RAP1GAP2: variants seen among roughly 807,000 people sequenced by gnomAD.
RAP1GAP2 encodes the protein rap1 GTPase-activating protein 2.
A neutral mutation model predicts 95.0 loss-of-function variants in RAP1GAP2; 27 were observed. The ratio of observed to expected loss-of-function variants is 0.28; its 90% CI spans 0.21 to 0.39. The LOEUF is 0.39. Ranked by LOEUF, RAP1GAP2 falls within the 10% of genes least tolerant of loss-of-function variation. The pLI is 1.00. For synonymous variants in RAP1GAP2, 373 were observed against 380.9 expected (o/e 0.98, Z 0.24); for missense variants, 771 against 970.0 (o/e 0.79, Z 2.72).
intron 5 of RAP1GAP2, 57 bp downstream of exon 5, chr17:2,962,771 A>T: frequency 6.8e-7 from 1 of 1,479,380 alleles, no homozygotes. Context: ...CTAGGGCGAG[A>T]GGAAGGCAGG....
chr17:2,759,939 A>G (rs1319722569), intron 1 of RAP1GAP2, among the ~76,000 whole-genome samples: 1 of 152,114 alleles, frequency 6.6e-6, no homozygotes, highest in Non-Finnish European at 1.5e-5. Context: ...CATATTGAAA[A>G]AGATATTGCC....
intron 3 of RAP1GAP2, among the ~76,000 whole-genome samples, chr17:2,950,248 C>G (rs570646619): frequency 1.3e-5 from 2 of 152,020 alleles, no homozygotes; most frequent in East Asian, 3.9e-4. Flanking sequence ...GAGACAGTTT[C>G]ACCATGTTGG....
intron 11 of RAP1GAP2, among the ~76,000 whole-genome samples, chr17:2,990,794 T>G (rs373080723): frequency 1.4e-3 from 207 of 152,124 alleles, no homozygotes; most frequent in African/African-American, 4.9e-3. Flanking sequence ...GGGTGGGAAG[T>G]GGTATATCAT....
At chr17:2,947,937 C>T (rs544603305) in intron 3 of RAP1GAP2, among the ~76,000 whole-genome samples, 108 of 152,240 alleles carry the variant, frequency 7.1e-4, no homozygotes, top group African/African-American at 2.4e-3. Flanking sequence ...CATCTCCCCC[C>T]GATTTTCCTG....
At chr17:2,939,528 AG>A (rs1339964930) in intron 3 of RAP1GAP2, among the ~76,000 whole-genome samples, 2 of 152,214 alleles carry the variant, frequency 1.3e-5, no homozygotes, top group African/African-American at 4.8e-5. Context: ...AGTTCAGAGA[AG>A]GGAAAATTGA....
chr17:2,771,489 TTTTTTTTTTG>T lies in RAP1GAP2; in HGVS notation c.167+1054_167+1063del, dbSNP rs1567636257. The stretch of plus-strand genomic sequence containing the variant: ...TCCCCATCAAAGCCACTTTTTTGTT[TTTTTTTTTTG>T]TTTTTTTTTTTTAGATAGAGTTTTG... On this transcript the variant is annotated intron_variant, in intron 2 of 25. Transcript: ENST00000637138. 2.9e-3 allele frequency among the ~76,000 whole-genome samples: 441 copies of T among 150,060 alleles called. 2 individuals are homozygous for T. The highest frequency in any genetic ancestry group is 0.01 in the African/African-American group (422 of 40,320).
intron 3 of RAP1GAP2, among the ~76,000 whole-genome samples, chr17:2,930,774 G>A (rs1365838408): frequency 1.3e-5 from 2 of 152,146 alleles, no homozygotes; most frequent in Admixed American, 1.3e-4. Context: ...GAAACTGCAC[G>A]AAACAAAACA....
At chr17:2,964,201 C>T in intron 7 of RAP1GAP2, 133 bp downstream of exon 7, 5 of 636,988 alleles carry the variant, frequency 7.8e-6, no homozygotes, top group Non-Finnish European at 1.2e-5. Context: ...GAGGAGCTGC[C>T]AGGGGTGGGG....
intron 3 of RAP1GAP2, among the ~76,000 whole-genome samples, chr17:2,919,578 G>C (rs544526142): frequency 1.3e-5 from 2 of 152,326 alleles, no homozygotes; most frequent in Admixed American, 6.5e-5. Context: ...AAAAGCCATG[G>C]GGGGCCAGGC....
intron 1 of RAP1GAP2, among the ~76,000 whole-genome samples, chr17:2,781,133 A>T (rs1003496881): frequency 6.6e-6 from 1 of 152,212 alleles, no homozygotes; most frequent in African/African-American, 2.4e-5. Context: ...GGACTTTTGC[A>T]GCTTGCTCTC....
intron 3 of RAP1GAP2, among the ~76,000 whole-genome samples, chr17:2,925,160 G>A (rs759612270): frequency 8.5e-5 from 13 of 152,244 alleles, no homozygotes; most frequent in African/African-American, 1.2e-4. Flanking sequence ...TGGTTGAACC[G>A]GGAAGATGTG....
At chr17:2,895,122 A>G (rs973799483) in intron 2 of RAP1GAP2, among the ~76,000 whole-genome samples, 2 of 152,216 alleles carry the variant, frequency 1.3e-5, no homozygotes, top group Non-Finnish European at 2.9e-5. Context: ...ACTTCAGTGG[A>G]CTTGTTTCAG....
chr17:2,980,033 C>T (rs557754328), intron 8 of RAP1GAP2, among the ~76,000 whole-genome samples: 52 of 150,702 alleles, frequency 3.5e-4, no homozygotes, highest in East Asian at 1.0e-3. Flanking sequence ...CTCCGTCTCC[C>T]GGGTTCAAGC....
intron 11 of RAP1GAP2, among the ~76,000 whole-genome samples, chr17:2,987,288 T>C (rs72824820): frequency 0.044 from 6,698 of 152,354 alleles, 212 homozygotes; most frequent in South Asian, 0.2. Context: ...ACTGTTAAGA[T>C]CTTTATCACA....
In RAP1GAP2 at chr17:2,998,239, A is replaced by G; in HGVS notation, c.1063A>G (p.Ile355Val). Residue 355 changes from isoleucine to valine, a missense_variant, in exon 14 of 25, where the codon ATT becomes GTT. Ile to Val is a conservative substitution (Grantham distance 29). Transcript: ENST00000254695. ...TATTTAGCTCCAGAGAAAGAGACACATTGGAAATGACATCGTGGCCATCAT... is the reference window on the plus strand; with the variant it reads ...TATTTAGCTCCAGAGAAAGAGACACGTTGGAAATGACATCGTGGCCATCAT... ...DAQQLQRKRH[I>V]GNDIVAIIFQ... The G allele has an allele frequency of 6.2e-7, 1 of 1,613,992 alleles. No individual in the cohort carries two copies.
At chr17:2,913,225 T>G (rs912505344) in intron 3 of RAP1GAP2, among the ~76,000 whole-genome samples, 4 of 151,914 alleles carry the variant, frequency 2.6e-5, no homozygotes, top group African/African-American at 9.7e-5. Flanking sequence ...GTGCACCTAC[T>G]TACCTGCATG....
intron 2 of RAP1GAP2, among the ~76,000 whole-genome samples, chr17:2,875,447 G>A (rs140102683): frequency 2.0e-5 from 3 of 152,246 alleles, no homozygotes; most frequent in East Asian, 3.9e-4. Flanking sequence ...CTGGTTACAG[G>A]GGTAACATTG....
chr17:2,997,089 A>G lies in RAP1GAP2; in HGVS notation c.1045-1132A>G, dbSNP rs562810763. Among the ~76,000 whole-genome samples, 7 of 152,228 alleles carry G rather than the reference A, an allele frequency of 4.6e-5. No individual in the cohort carries two copies. The East Asian group carries it at 1.4e-3, about 29-fold the overall frequency. Reference sequence around the variant, plus strand: ...CTTCAGGACAGGGTTAACATTTGATATCATGCATGAACAGCCCAACATGGT... The same window carrying G: ...CTTCAGGACAGGGTTAACATTTGATGTCATGCATGAACAGCCCAACATGGT... On this transcript the variant is annotated intron_variant, in intron 13 of 24. Transcript: ENST00000254695.
chr17:2,967,390 A>G (rs1323402217), intron 8 of RAP1GAP2, among the ~76,000 whole-genome samples: 1 of 152,048 alleles, frequency 6.6e-6, no homozygotes, highest in Admixed American at 6.6e-5. Context: ...AACGATGACA[A>G]CAACAACGAC....
Sources: allele counts gnomAD v4.1 joint callset (sites outside exome capture counted in the v4.1 genomes callset), GRCh38; gene constraint gnomAD v4.1.1; transcripts MANE v1.5; gene names NCBI Gene and HGNC (gene_info 2026-07-23, HGNC 2026-07-21).